CTNND1: variants seen among roughly 807,000 people sequenced by gnomAD.
CTNND1 encodes the protein catenin delta-1.
CTNND1 carries 16 observed loss-of-function variants against 112.1 expected under a neutral mutation model. The ratio of observed to expected loss-of-function variants is 0.14; its 90% CI spans 0.10 to 0.22. The LOEUF (loss-of-function observed/expected upper bound fraction) is 0.22, where lower values mean the gene tolerates loss of function less well. Among genes scored for constraint, CTNND1 ranks in the 10% least tolerant of loss-of-function variants. The pLI is 1.00. For synonymous variants in CTNND1, 420 were observed against 446.5 expected, an observed-to-expected ratio of 0.94 and a Z score of 0.75; for missense variants, 1,008 against 1,257.0, an observed-to-expected ratio of 0.80 and a Z score of 3.00.
intron 17 of CTNND1, chr11:57,813,845 A>G (rs2063649636): frequency 1.3e-5 from 2 of 152,464 alleles, no homozygotes; most frequent in African/African-American, 4.8e-5. Flanking sequence ...AACATGTAAG[A>G]AGTTTACCAT....
At chr11:57,816,099 A>G in intron 20 of CTNND1, 98 bp downstream of exon 20, 1 of 1,215,916 alleles carries the variant, frequency 8.2e-7, no homozygotes, top group East Asian at 2.5e-5. Flanking sequence ...GCCAGAGACT[A>G]AGTAGTCTCA....
intron 1 of CTNND1, among the ~76,000 whole-genome samples, chr11:57,771,936 CTTT>C (rs746241186): frequency 4.9e-5 from 7 of 144,028 alleles, no homozygotes; most frequent in Non-Finnish European, 7.7e-5. Flanking sequence ...TTTTCTTTTT[CTTT>C]TTTTTTTTTC....
At position 57,806,898 on chromosome 11, in the gene CTNND1, C is replaced by G; in HGVS notation, c.1895-17C>G. 1 of 1,580,712 alleles carries G rather than the reference C, an allele frequency of 6.3e-7. No homozygotes were observed. Among genetic ancestry groups the G allele is most frequent in the Non-Finnish European group, 8.6e-7 (1 of 1,162,118 alleles). ...AAACTGGCTTACCCCTTTTCCCGCC[C>G]TTTTTCATTTTTGTAGGGAAAAAAC... On this transcript the variant is annotated splice_polypyrimidine_tract_variant and intron_variant, in intron 11 of 20. Transcript: ENST00000399050.
In CTNND1 at chr11:57,814,327, G is replaced by T. The variant is rs375848320; in HGVS notation, c.2655G>T (p.Arg885=). Residue 885 remains arginine, a synonymous_variant, in exon 18 of 21, where the codon CGG becomes CGT. Transcript: ENST00000399050. The part of the protein sequence containing the change: ...RNQKSDKKPD[R]EEIQMSNMGS... ...TTCATACAGATAAGAAACCTGATCG[G>T]GAAGAAATTCAGATGAGCAATATGG... 1 of 1,611,712 alleles carries T rather than the reference G, an allele frequency of 6.2e-7. No homozygotes were observed. The highest frequency in any genetic ancestry group is 8.5e-7 in the Non-Finnish European group (1 of 1,178,896).
chr11:57,763,884 G>A (rs971848422), intron 1 of CTNND1: 3 of 152,228 alleles, frequency 2.0e-5, no homozygotes, highest in African/African-American at 7.2e-5. Flanking sequence ...GCTTTAAATA[G>A]TGGGCTTTGT....
At chr11:57,769,243 ACCCG>A (rs1951937240) in intron 1 of CTNND1, among the ~76,000 whole-genome samples, 2 of 150,728 alleles carry the variant, frequency 1.3e-5, no homozygotes, top group African/African-American at 4.9e-5. Flanking sequence ...TGAACCCGGG[ACCCG>A]GGAGGTGGAG....
chr11:57,803,895 C>A, intron 8 of CTNND1, 91 bp downstream of exon 8: 1 of 1,060,536 alleles, frequency 9.4e-7, no homozygotes, highest in Non-Finnish European at 1.3e-6. Flanking sequence ...ATTCTTTAGC[C>A]TATTCTTTAG....
chr11:57,797,802 A>G lies in CTNND1; in HGVS notation c.956+810A>G, dbSNP rs375870341. ...GGTTGTGGTGAGCCAAGATCATGCC[A>G]TTGCACTCCAGCCTGGGCAACAAGA... On this transcript the variant is annotated intron_variant, in intron 6 of 20. Transcript: ENST00000399050. Among the ~76,000 whole-genome samples, 43 of 125,692 alleles carry G rather than the reference A, an allele frequency of 3.4e-4. No homozygotes were observed. The South Asian group carries it at 0.011, about 32-fold the overall frequency. 82.5% of individuals were successfully genotyped at this position (125,692 alleles called of 152,430 possible).
intron 5 of CTNND1, among the ~76,000 whole-genome samples, chr11:57,796,243 A>G (rs559031670): frequency 4.1e-4 from 63 of 151,926 alleles, no homozygotes; most frequent in African/African-American, 1.4e-3. Context: ...AAAATTAGCC[A>G]GGTGTGGTGG....
At chr11:57,795,919 G>T (rs187946222) in intron 5 of CTNND1, among the ~76,000 whole-genome samples, 190 bp downstream of exon 5, 24 of 152,258 alleles carry the variant, frequency 1.6e-4, no homozygotes, top group Admixed American at 1.6e-3. Context: ...AAGACAGAAG[G>T]TATATCAGGG....
chr11:57,766,427 G>T (rs1397866112), intron 1 of CTNND1, among the ~76,000 whole-genome samples: 1 of 152,222 alleles, frequency 6.6e-6, no homozygotes, highest in Non-Finnish European at 1.5e-5. Flanking sequence ...ATGAGTTTAA[G>T]AACCGAAATT....
chr11:57,788,506 C>G lies in CTNND1; in HGVS notation c.-213-531C>G, dbSNP rs1004667637. ...GCATACACTCTAAGCCAAACAGGCC[C>G]GGGCATTTGTGCTTGGTGGGGCTCT... On this transcript the variant is annotated intron_variant, in intron 1 of 20. Coordinates refer to ENST00000399050, the MANE Select transcript of CTNND1 (RefSeq NM_001085458.2). The surrounding 1 kb of genome is among the most constrained non-coding windows in gnomAD (Gnocchi z 4.1). 6.6e-6 allele frequency among the ~76,000 whole-genome samples: 1 copy of G among 152,148 alleles called. No homozygotes were observed. The highest frequency in any genetic ancestry group is 1.5e-5 in the Non-Finnish European group (1 of 68,038).
chr11:57,808,790 G>A (rs189033859), intron 14 of CTNND1, among the ~76,000 whole-genome samples: 24 of 152,232 alleles, frequency 1.6e-4, no homozygotes, highest in Non-Finnish European at 3.1e-4. Flanking sequence ...GTTACTAAGC[G>A]TTGTTAAACA....
intron 1 of CTNND1, among the ~76,000 whole-genome samples, chr11:57,775,959 C>T (rs988176968): frequency 3.3e-5 from 5 of 152,184 alleles, no homozygotes; most frequent in Admixed American, 3.3e-4. Flanking sequence ...TATACACCTC[C>T]CTTGTATTTT....
intron 1 of CTNND1, among the ~76,000 whole-genome samples, chr11:57,771,169 C>T (rs972901503): frequency 2.0e-5 from 3 of 150,318 alleles, no homozygotes; most frequent in Admixed American, 6.6e-5. Context: ...TTTTTGTATT[C>T]ATTGAAGAAG....
At position 57,765,053 on chromosome 11, in the gene CTNND1, C is replaced by A. The variant is rs1950733102; in HGVS notation, c.-214+2934C>A. 2.0e-5 allele frequency among the ~76,000 whole-genome samples: 3 copies of A among 152,162 alleles called. No individual in the cohort carries two copies. In the South Asian group the frequency reaches 6.2e-4, roughly 32 times the overall value. On this transcript the variant is annotated intron_variant, in intron 1 of 20. Coordinates refer to ENST00000399050, the MANE Select transcript of CTNND1 (RefSeq NM_001085458.2). ...ATGCCCACCATTGCTGTCCTAATTTCTTAAACTTCCTGGAATTGTGTCACA... is the reference window on the plus strand; with the variant it reads ...ATGCCCACCATTGCTGTCCTAATTTATTAAACTTCCTGGAATTGTGTCACA...
chr11:57,778,449 G>A (rs192851336), intron 1 of CTNND1, among the ~76,000 whole-genome samples: 4 of 152,274 alleles, frequency 2.6e-5, no homozygotes, highest in Admixed American at 2.6e-4. Context: ...CCCTAATGCA[G>A]TGCCTCCAAA....
At position 57,788,355 on chromosome 11, in the gene CTNND1, G is replaced by T. The variant is rs950091447; in HGVS notation, c.-213-682G>T. 6.6e-6 allele frequency among the ~76,000 whole-genome samples: 1 copy of T among 152,180 alleles called. No individual in the cohort carries two copies. The highest frequency in any genetic ancestry group is 1.5e-5 in the Non-Finnish European group (1 of 68,040). ...GTTGATAGGCGATTATGGGAACTTC[G>T]AGCTGGGGTAGGAGGAATTTAGGGA... On this transcript the variant is annotated intron_variant, in intron 1 of 20. Coordinates refer to ENST00000399050, the MANE Select transcript of CTNND1 (RefSeq NM_001085458.2). This position sits in a 1 kb window ranked among gnomAD's most constrained non-coding sequence, Gnocchi z 4.1.
At position 57,791,649 on chromosome 11, in the gene CTNND1, C is replaced by T. The variant is rs377395925; in HGVS notation, c.171C>T (p.Asn57=). ...AAGATGCCAACCCACTCATGGCCAACGGCACACTCACCCGCCGGCATCAGG... is the reference window on the plus strand; with the variant it reads ...AAGATGCCAACCCACTCATGGCCAATGGCACACTCACCCGCCGGCATCAGG... ...SPQDANPLMA[N]GTLTRRHQNG... Residue 57 remains asparagine (N), a synonymous_variant, in exon 3 of 21, where the codon AAC becomes AAT. Coordinates refer to ENST00000399050, the MANE Select transcript of CTNND1 (RefSeq NM_001085458.2). The T allele has an allele frequency of 1.5e-5, 23 of 1,581,800 alleles. No individual in the cohort carries two copies. The highest frequency in any genetic ancestry group is 5.3e-5 in the Admixed American group (3 of 56,742).
Sources: gnomAD v4.1 joint callset for allele counts (sites outside exome capture counted in the v4.1 genomes callset) on GRCh38, gnomAD v4.1.1 for gene constraint, Gnocchi (gnomAD v3.1) non-coding constraint, MANE v1.5 for transcripts, NCBI Gene and HGNC (gene_info 2026-07-23, HGNC 2026-07-21) for gene names.